Variants in TEAD4 observed in about 807,000 individuals in gnomAD.
The protein encoded by TEAD4 is transcriptional enhancer factor TEF-3.
A neutral mutation model predicts 52.4 loss-of-function variants in TEAD4; 36 were observed. The observed-to-expected ratio is 0.69, with a 90% CI of 0.53 to 0.91. The LOEUF (loss-of-function observed/expected upper bound fraction) is 0.91, where lower values mean the gene tolerates loss of function less well. TEAD4 is among the 40% of genes least tolerant of loss of function. TEAD4 has a pLI of 0.00. For synonymous variants in TEAD4, 220 were observed against 231.0 expected (o/e 0.95, Z 0.43); for missense variants, 508 against 583.9 (o/e 0.87, Z 1.34).
chr12:2,968,385 CT>C (rs61672018), intron 2 of TEAD4, among the ~76,000 whole-genome samples: 74 of 55,044 alleles, frequency 1.3e-3, no homozygotes, highest in African/African-American at 4.3e-3. Flanking sequence ...CGCGCCCGGC[CT>C]TTTTTTTTTT....
At chr12:2,978,333 C>T (rs1156419265) in intron 2 of TEAD4, among the ~76,000 whole-genome samples, 1 of 151,776 alleles carries the variant, frequency 6.6e-6, no homozygotes, top group Non-Finnish European at 1.5e-5. Context: ...ACTTTTTCAT[C>T]TTCCGAAACT....
intron 2 of TEAD4, chr12:2,960,376 G>C: frequency 1.0e-6 from 1 of 985,726 alleles, no homozygotes; most frequent in Non-Finnish European, 1.2e-6. Flanking sequence ...CCTGTTTTAA[G>C]TGCAAAGGCG....
At chr12:2,993,617 C>T (rs1178494456) in intron 2 of TEAD4, among the ~76,000 whole-genome samples, 1 of 151,964 alleles carries the variant, frequency 6.6e-6, no homozygotes, top group Non-Finnish European at 1.5e-5. Flanking sequence ...ACTATAGGTG[C>T]GAGCCAGCAC....
chr12:2,966,051 T>G (rs776355320), intron 2 of TEAD4, among the ~76,000 whole-genome samples: 2 of 152,026 alleles, frequency 1.3e-5, no homozygotes, highest in Admixed American at 6.6e-5. Context: ...AACAAAAATA[T>G]GTGGAGAGTG....
intron 5 of TEAD4, 106 bp from the exon 6 acceptor site, chr12:3,017,292 T>A: frequency 6.8e-7 from 1 of 1,478,034 alleles, no homozygotes; most frequent in Non-Finnish European, 9.3e-7. Flanking sequence ...CCCCCAGCTC[T>A]GGCCACTGGC....
In TEAD4 at chr12:3,037,979, C is replaced by T. The variant is rs567579777; in HGVS notation, c.909C>T (p.Asn303=). The T allele has an allele frequency of 1.2e-6, 2 of 1,613,712 alleles. No homozygotes were observed. The highest frequency in any genetic ancestry group is 1.3e-5 in the African/African-American group (1 of 75,048). Residue 303 remains asparagine (N), a synonymous_variant, in exon 11 of 13, where the codon AAC becomes AAT. Transcript: ENST00000359864. ...CTGTCTCCCTCCAGGCAGACCTCAA[C>T]ACCAACATCGAGGATGAAGGCAGCT...
At chr12:2,972,013 A>G (rs1037453763) in intron 2 of TEAD4, among the ~76,000 whole-genome samples, 3 of 150,688 alleles carry the variant, frequency 2.0e-5, no homozygotes, top group African/African-American at 4.9e-5. Context: ...GGGTTTTGCC[A>G]TGTTGGTCAG....
chr12:2,995,380 C>G (rs765095295), intron 3 of TEAD4, among the ~76,000 whole-genome samples: 1 of 152,188 alleles, frequency 6.6e-6, no homozygotes, highest in Non-Finnish European at 1.5e-5. Flanking sequence ...CTCATTCATG[C>G]AACAAACAGA....
At chr12:2,968,558 G>A (rs1232665280) in intron 2 of TEAD4, among the ~76,000 whole-genome samples, 1 of 151,792 alleles carries the variant, frequency 6.6e-6, no homozygotes, top group Non-Finnish European at 1.5e-5. Context: ...GACCACAGGT[G>A]ATGCCATGCC....
intron 2 of TEAD4, among the ~76,000 whole-genome samples, chr12:2,982,476 C>G (rs1006794856): frequency 6.6e-6 from 1 of 152,236 alleles, no homozygotes; most frequent in South Asian, 2.1e-4. Flanking sequence ...GCCTCCAGCT[C>G]TCCCCTGGCA....
intron 2 of TEAD4, among the ~76,000 whole-genome samples, chr12:2,961,554 T>C (rs1011044680): frequency 1.3e-5 from 2 of 151,946 alleles, no homozygotes; most frequent in African/African-American, 4.8e-5. Context: ...AGGTTTGGGG[T>C]CAGGCAGACC....
intron 10 of TEAD4, among the ~76,000 whole-genome samples, chr12:3,032,587 A>G (rs2098276356): frequency 6.6e-6 from 1 of 152,200 alleles, no homozygotes; most frequent in South Asian, 2.1e-4. Flanking sequence ...TTGTGTGAAT[A>G]GTCAGCAGTT....
chr12:2,964,440 G>A (rs931094101), intron 2 of TEAD4, among the ~76,000 whole-genome samples: 2 of 151,796 alleles, frequency 1.3e-5, no homozygotes, highest in African/African-American at 4.8e-5. Flanking sequence ...GCTGGACAAC[G>A]TGAGGGATTT....
At chr12:3,007,868 G>C (rs1490993473) in intron 3 of TEAD4, among the ~76,000 whole-genome samples, 2 of 152,216 alleles carry the variant, frequency 1.3e-5, no homozygotes, top group Admixed American at 1.3e-4. Context: ...AGTTACGTCG[G>C]ACTAATCAGA....
chr12:3,001,039 G>A (rs1274890106), intron 3 of TEAD4, among the ~76,000 whole-genome samples: 1 of 152,148 alleles, frequency 6.6e-6, no homozygotes, highest in Non-Finnish European at 1.5e-5. Context: ...GCTCCTCCCT[G>A]CGGCCTACAA....
intron 2 of TEAD4, among the ~76,000 whole-genome samples, chr12:2,978,072 CCTT>C (rs1394433694): frequency 1.3e-5 from 2 of 152,172 alleles, no homozygotes; most frequent in East Asian, 1.9e-4. Context: ...ACTCTCCTGT[CCTT>C]CTCTTTTCTT....
At chr12:3,035,776 T>C (rs139828219) in intron 10 of TEAD4, among the ~76,000 whole-genome samples, 1,809 of 140,474 alleles carry the variant, frequency 0.013, 43 homozygotes, top group African/African-American at 0.044. Flanking sequence ...GCCGTGATCA[T>C]ACCACTGTAC....
chr12:3,018,550 G>T lies in TEAD4; in HGVS notation c.489G>T (p.Trp163Cys). 6.2e-7 allele frequency: 1 copy of T among 1,614,072 alleles called. No individual in the cohort carries two copies. The highest frequency in any genetic ancestry group is 2.2e-5 in the East Asian group (1 of 44,868). Residue 163 changes from tryptophan (W) to cysteine (C), a missense_variant, in exon 7 of 13, where the codon TGG (tryptophan) becomes TGT (cysteine). Trp to Cys is a radical substitution (Grantham distance 215, BLOSUM62 -2). Transcript: ENST00000359864. The stretch of plus-strand genomic sequence containing the variant: ...CATGCCTTTTGCCTCCTCAGTTTTG[G>T]CAAGGAGCTTTGCCAGGCCAAGCCG...
intron 2 of TEAD4, among the ~76,000 whole-genome samples, chr12:2,980,760 T>C (rs529356233): frequency 2.8e-5 from 4 of 142,996 alleles, no homozygotes; most frequent in Non-Finnish European, 6.1e-5. Flanking sequence ...GTTGGCAAAA[T>C]AGGTCAAAGA....
Sources: allele counts gnomAD v4.1 joint callset (sites outside exome capture counted in the v4.1 genomes callset), GRCh38; gene constraint gnomAD v4.1.1; transcripts MANE v1.5; gene names NCBI Gene and HGNC (gene_info 2026-07-23, HGNC 2026-07-21).